The following HSF2BP variants were observed in gnomAD, a reference collection of about 807,000 sequenced individuals.
The protein encoded by HSF2BP is heat shock transcription factor 2 binding protein, also known as heat shock factor 2-binding protein.
HSF2BP carries 35 observed loss-of-function variants against 35.0 expected under a neutral mutation model. The ratio of observed to expected loss-of-function variants is 1.00; its 90% CI spans 0.76 to 1.32. The LOEUF (loss-of-function observed/expected upper bound fraction) is 1.32. HSF2BP is among the 40% of genes most tolerant of loss of function. The pLI, the probability that HSF2BP is intolerant of heterozygous loss-of-function variation, is 0.00. For synonymous variants in HSF2BP, 114 were observed against 117.4 expected, an observed-to-expected ratio of 0.97 and a Z score of 0.18; for missense variants, 326 against 321.7, an observed-to-expected ratio of 1.01 and a Z score of -0.10.
intron 7 of HSF2BP, among the ~76,000 whole-genome samples, chr21:43,598,171 A>T (rs1391267656): frequency 6.6e-6 from 1 of 151,964 alleles, no homozygotes; most frequent in Non-Finnish European, 1.5e-5. Context: ...ATGTGACCAT[A>T]GGCACTTTCT....
intron 6 of HSF2BP, among the ~76,000 whole-genome samples, chr21:43,616,653 A>G (rs1419583885): frequency 6.7e-6 from 1 of 150,002 alleles, no homozygotes; most frequent in Non-Finnish European, 1.5e-5. Flanking sequence ...TAAAAAAAAG[A>G]AAAAACACGG....
chr21:43,640,247 G>A (rs1479935408), intron 4 of HSF2BP, among the ~76,000 whole-genome samples: 1 of 152,242 alleles, frequency 6.6e-6, no homozygotes, highest in Non-Finnish European at 1.5e-5. Context: ...GATGCTGTGA[G>A]CCATGATCCT....
chr21:43,624,729 G>C (rs1044512492), intron 6 of HSF2BP, among the ~76,000 whole-genome samples: 1 of 152,098 alleles, frequency 6.6e-6, no homozygotes, highest in Non-Finnish European at 1.5e-5. Flanking sequence ...CAGAGACAAG[G>C]AGTACAATCA....
intron 5 of HSF2BP, among the ~76,000 whole-genome samples, chr21:43,631,942 C>G (rs1440808503): frequency 7.1e-6 from 1 of 139,886 alleles, no homozygotes; most frequent in African/African-American, 2.8e-5. Context: ...CCCACATACA[C>G]AGGCTCACAG....
intron 4 of HSF2BP, among the ~76,000 whole-genome samples, chr21:43,643,754 C>T (rs1284566641): frequency 1.3e-5 from 2 of 152,092 alleles, no homozygotes; most frequent in South Asian, 2.1e-4. Flanking sequence ...GTCTGGAGAT[C>T]GAGACCATCC....
intron 8 of HSF2BP, among the ~76,000 whole-genome samples, chr21:43,577,128 T>C (rs2081653959): frequency 6.6e-6 from 1 of 152,222 alleles, no homozygotes; most frequent in South Asian, 2.1e-4. Flanking sequence ...CGACCTCCAC[T>C]TCTCAACCAC....
At chr21:43,602,695 T>C (rs552144449) in intron 7 of HSF2BP, among the ~76,000 whole-genome samples, 63 of 152,280 alleles carry the variant, frequency 4.1e-4, no homozygotes, top group Admixed American at 1.5e-3. Flanking sequence ...ACATGCCAAA[T>C]ATTCTCTGGC....
At chr21:43,499,973 A>C in the HSF2BP span, among the ~76,000 whole-genome samples, 1 of 90,672 alleles carries the variant, frequency 1.1e-5, no homozygotes, top group African/African-American at 5.5e-5. Context: ...ATGCACACAC[A>C]TCACACATAT....
chr21:43,615,291 T>C (rs548356071), intron 6 of HSF2BP, among the ~76,000 whole-genome samples: 1 of 152,370 alleles, frequency 6.6e-6, no homozygotes, highest in African/African-American at 2.4e-5. Flanking sequence ...GTGTGATGTC[T>C]GATCTGTTTC....
intron 2 of HSF2BP, chr21:43,657,726 G>A (rs942247089): frequency 3.4e-6 from 2 of 582,130 alleles, no homozygotes; most frequent in African/African-American, 2.0e-5. Context: ...CGAAGCAGGG[G>A]GCCAGGGCCT....
rs140069560 is a variant in HSF2BP at position 43,618,121 on chromosome 21, G to C, written c.575-4174C>G. Among the ~76,000 whole-genome samples, 9 of 152,120 alleles carry C rather than the reference G, an allele frequency of 5.9e-5. No homozygotes were observed. In the East Asian group the frequency reaches 1.7e-3, roughly 29 times the overall value. On this transcript the variant is annotated intron_variant, in intron 6 of 8. Coordinates refer to ENST00000291560, the MANE Select transcript of HSF2BP (RefSeq NM_007031.2). ...CAAAAATAAAAATAAAAATTAGCTA[G>C]GTGTGGTGGCTCATGCCTATAGTCC...
At chr21:43,584,899 G>GA (rs1391018696) in intron 8 of HSF2BP, among the ~76,000 whole-genome samples, 1 of 152,118 alleles carries the variant, frequency 6.6e-6, no homozygotes, top group Non-Finnish European at 1.5e-5. Flanking sequence ...GGACAAGTTT[G>GA]AAAAATACCC....
At chr21:43,574,329 A>G (rs2146669291) in intron 8 of HSF2BP, among the ~76,000 whole-genome samples, 1 of 151,596 alleles carries the variant, frequency 6.6e-6, no homozygotes, top group East Asian at 1.9e-4. Flanking sequence ...TGGTTCCTAA[A>G]CCTTTTTTTG....
intron 3 of HSF2BP, among the ~76,000 whole-genome samples, chr21:43,653,204 AGGGAAGGGAAGGGGAAGGGAAGGGAAG>A (rs1568945267): frequency 1.3e-4 from 2 of 15,876 alleles, no homozygotes; most frequent in East Asian, 4.5e-3. Context: ...GGGAAGGGGA[AGGGAAGGGAAGGGGAAGGGAAGGGAAG>A]GGGAAGGGAA....
At chr21:43,572,236 G>A (rs1184716059) in intron 8 of HSF2BP, among the ~76,000 whole-genome samples, 1 of 152,202 alleles carries the variant, frequency 6.6e-6, no homozygotes, top group African/African-American at 2.4e-5. Context: ...CGAGGTGGCT[G>A]TGGGAGGTCC....
At chr21:43,650,651 G>A (rs1165047537) in intron 3 of HSF2BP, among the ~76,000 whole-genome samples, 1 of 150,966 alleles carries the variant, frequency 6.6e-6, no homozygotes, top group Non-Finnish European at 1.5e-5. Flanking sequence ...GTACTTAAGT[G>A]CCACTACCTT....
chr21:43,584,706 T>C (rs916637070), intron 8 of HSF2BP, among the ~76,000 whole-genome samples: 1 of 152,176 alleles, frequency 6.6e-6, no homozygotes, highest in Non-Finnish European at 1.5e-5. Context: ...TTCCCCCCAC[T>C]ACACTCAATG....
Position 43,658,133 on chromosome 21 carries a change from G to C in HSF2BP, c.-37C>G, listed in dbSNP as rs999139870. Reference sequence around the variant, plus strand: ...CCTCCGCTCCGTTCGCCTGAGCGTCGGCGCGCCCTCTGACCCCTCACGCCA... The same window carrying C: ...CCTCCGCTCCGTTCGCCTGAGCGTCCGCGCGCCCTCTGACCCCTCACGCCA... On this transcript the variant is annotated 5_prime_UTR_variant, in exon 2 of 9. Coordinates refer to ENST00000291560, the MANE Select transcript of HSF2BP (RefSeq NM_007031.2). 3 of 1,508,134 alleles carry C rather than the reference G, an allele frequency of 2.0e-6. No individual in the cohort carries two copies. The highest frequency in any genetic ancestry group is 5.0e-5 in the East Asian group (2 of 40,108). 93.4% of individuals were successfully genotyped at this position (1,508,134 alleles called of 1,614,324 possible).
At chr21:43,599,214 A>G (rs1223801221) in intron 7 of HSF2BP, among the ~76,000 whole-genome samples, 1 of 152,236 alleles carries the variant, frequency 6.6e-6, no homozygotes, top group Non-Finnish European at 1.5e-5. Flanking sequence ...GGTCAAAATC[A>G]GTTATCCTTA....
Sources: allele counts gnomAD v4.1 joint callset (sites outside exome capture counted in the v4.1 genomes callset), GRCh38; gene constraint gnomAD v4.1.1; transcripts MANE v1.5; gene names NCBI Gene and HGNC (gene_info 2026-07-23, HGNC 2026-07-21).